Variants in OPRL1 observed in about 807,000 individuals in gnomAD.
OPRL1 encodes opioid related nociceptin receptor 1, also known as nociceptin receptor.
A neutral mutation model predicts 15.5 loss-of-function variants in OPRL1; 5 were observed. The ratio of observed to expected loss-of-function variants is 0.32; its 90% CI spans 0.17 to 0.68. OPRL1 has a LOEUF of 0.68. OPRL1 is among the 30% of genes least tolerant of loss of function. The pLI, the probability that OPRL1 is intolerant of heterozygous loss-of-function variation, is 0.72. For synonymous variants in OPRL1, 223 were observed against 230.2 expected (o/e 0.97, Z 0.28); for missense variants, 406 against 515.3 (o/e 0.79, Z 2.05).
rs987045411 is a variant in OPRL1, at chr20:64,099,726, A to C, written c.*927A>C. 1 of 152,310 alleles carries C rather than the reference A, an allele frequency of 6.6e-6. No homozygotes were observed. Among genetic ancestry groups the C allele is most frequent in the Admixed American group, 6.5e-5 (1 of 15,288 alleles). 9.4% of individuals were successfully genotyped at this position (152,310 alleles called of 1,614,324 possible). A position where few individuals can be genotyped will look rare whatever the true frequency, so the allele number is the denominator to read the frequency against. On this transcript the variant is annotated 3_prime_UTR_variant, in exon 5 of 5. Coordinates refer to ENST00000336866, the MANE Select transcript of OPRL1 (RefSeq NM_182647.4). Reference sequence around the variant, plus strand: ...CAGGACGAAGGCGCCGCGTGACCACATGGGCAGCTCTGTTCACAAAGTGGA... The same window carrying C: ...CAGGACGAAGGCGCCGCGTGACCACCTGGGCAGCTCTGTTCACAAAGTGGA...
At position 64,089,048 on chromosome 20, in the gene OPRL1, C is replaced by T. The variant is rs1014308873; in HGVS notation, c.-184-2918C>T. Reference sequence around the variant, plus strand: ...TCAATGCAGGGGGCAAGGTCTGTACCGTGGGCTAGGGGTCTATGTGGGTGG... The same window carrying T: ...TCAATGCAGGGGGCAAGGTCTGTACTGTGGGCTAGGGGTCTATGTGGGTGG... On this transcript the variant is annotated intron_variant, in intron 1 of 4. Coordinates refer to ENST00000336866, the MANE Select transcript of OPRL1 (RefSeq NM_182647.4). The surrounding 1 kb of genome is among the most constrained non-coding windows in gnomAD (Gnocchi z 5.5). Among the ~76,000 whole-genome samples, 1 of 71,796 alleles carries T rather than the reference C, an allele frequency of 1.4e-5. No homozygotes were observed. The allele number at this position is 71,796 out of a possible 152,430, so 47.1% of individuals were successfully genotyped here.
rs1241920361 is a variant in OPRL1 at position 64,090,257 on chromosome 20, G to A, written c.-184-1709G>A. Among the ~76,000 whole-genome samples, 1 of 152,210 alleles carries A rather than the reference G, an allele frequency of 6.6e-6. No individual in the cohort carries two copies. Among genetic ancestry groups the A allele is most frequent in the Non-Finnish European group, 1.5e-5 (1 of 68,032 alleles). Reference sequence around the variant, plus strand: ...TGGGCATCTGTGTGTGTGTTTGCAGGAATGTGTGTCCCCATGTGTCCCTTG... The same window carrying A: ...TGGGCATCTGTGTGTGTGTTTGCAGAAATGTGTGTCCCCATGTGTCCCTTG... On this transcript the variant is annotated intron_variant, in intron 1 of 4. Transcript: ENST00000336866. The surrounding 1 kb of genome is among the most constrained non-coding windows in gnomAD (Gnocchi z 4.9).
rs1032721305 is a variant in OPRL1, at chr20:64,083,551, C to T, written c.-185+3199C>T. On this transcript the variant is annotated intron_variant, in intron 1 of 4. Coordinates refer to ENST00000336866, the MANE Select transcript of OPRL1 (RefSeq NM_182647.4). This position sits in a 1 kb window ranked among gnomAD's most constrained non-coding sequence, Gnocchi z 4.9. ...TGCGGAGGCGGGCAGGGCCCCTCCC[C>T]TTTCCCCGCCCCTACCGGGGCTTGT... 6.5e-6 allele frequency: 10 copies of T among 1,535,188 alleles called. No homozygotes were observed. In the African/African-American group the frequency reaches 1.4e-4, roughly 21 times the overall value.
chr20:64,092,481 C>G (rs530863742), intron 2 of OPRL1, among the ~76,000 whole-genome samples: 34 of 152,284 alleles, frequency 2.2e-4, no homozygotes, highest in African/African-American at 8.2e-4. Flanking sequence ...GAGTCCCTGT[C>G]TGTGCACACG....
Position 64,092,792 on chromosome 20 carries a change from C to T in OPRL1, c.72C>T (p.Leu24=). 1 of 1,612,780 alleles carries T rather than the reference C, an allele frequency of 6.2e-7. No homozygotes were observed. Among genetic ancestry groups the T allele is most frequent in the Non-Finnish European group, 8.5e-7 (1 of 1,179,948 alleles). ...YGSHLQGNLS[L]LSPNHSLLPP... ...GCCACCTTCAGGGCAACCTGTCCCT[C>T]CTGAGCCCCAACCACAGTCTGCTGC... is the stretch of plus-strand genomic sequence containing the variant. The change falls in exon 3 of 5, where the codon CTC becomes CTT. Residue 24 remains leucine (L), a synonymous_variant. Coordinates refer to ENST00000336866, the MANE Select transcript of OPRL1 (RefSeq NM_182647.4).
intron 1 of OPRL1, among the ~76,000 whole-genome samples, chr20:64,091,613 G>A (rs930628625): frequency 6.6e-6 from 1 of 152,296 alleles, no homozygotes; most frequent in African/African-American, 2.4e-5. Context: ...CGGGAGCCCA[G>A]CTGGGGGGTC....
chr20:64,084,254 C>CGGTGCCGGGGCT (rs2060016175), intron 1 of OPRL1: 3 of 1,353,048 alleles, frequency 2.2e-6, no homozygotes, highest in Non-Finnish European at 1.9e-6. Flanking sequence ...GGCGTCCCGT[C>CGGTGCCGGGGCT]GGTGCCGGGG....
chr20:64,096,866 C>T (rs1375505047), intron 3 of OPRL1, among the ~76,000 whole-genome samples: 4 of 136,182 alleles, frequency 2.9e-5, no homozygotes, highest in Admixed American at 1.6e-4. Flanking sequence ...ACCACTATCA[C>T]CACCACCACC....
Position 64,098,003 on chromosome 20 carries a change from T to A in OPRL1, c.435T>A (p.Ser145Arg). ...GCACCTTCACCCTAACTGCCATGAG[T>A]GTGGATCGCTATGTAGCCATCTGCC... ...FTSTFTLTAM[S>R]VDRYVAICHP... Residue 145 changes from serine to arginine, a missense_variant, in exon 4 of 5, where the codon AGT (serine) becomes AGA (arginine). Physicochemically the swap from Ser to Arg is moderately radical, Grantham distance 110 (BLOSUM62 -1). Coordinates refer to ENST00000336866, the MANE Select transcript of OPRL1 (RefSeq NM_182647.4). 6.2e-7 allele frequency: 1 copy of A among 1,613,630 alleles called. No homozygotes were observed. The highest frequency in any genetic ancestry group is 8.5e-7 in the Non-Finnish European group (1 of 1,180,004).
In OPRL1 at chr20:64,097,049, C is replaced by T. The variant is rs118119072; in HGVS notation, c.234-753C>T. On this transcript the variant is annotated intron_variant, in intron 3 of 4. Transcript: ENST00000336866. This position sits in a 1 kb window ranked among gnomAD's most constrained non-coding sequence, Gnocchi z 4.2. ...ATCATCACAGTCATCACCATCATCA[C>T]CATCATCATCATCACCACTACCATC... Among the ~76,000 whole-genome samples, 26 of 36 alleles carry T rather than the reference C, an allele frequency of 0.72. 9 individuals carry two copies. The highest frequency in any genetic ancestry group is 0.8 in the Non-Finnish European group (8 of 10). 0.0% of individuals were successfully genotyped at this position (36 alleles called of 152,430 possible). A position where few individuals can be genotyped will look rare whatever the true frequency, so the allele number is the denominator to read the frequency against.
chr20:64,083,960 C>T lies in OPRL1; in HGVS notation c.-185+3608C>T. 6.8e-7 allele frequency: 1 copy of T among 1,465,424 alleles called. No individual in the cohort carries two copies. Among genetic ancestry groups the T allele is most frequent in the Non-Finnish European group, 9.0e-7 (1 of 1,115,528 alleles). The allele number at this position is 1,465,424 out of a possible 1,614,324, so 90.8% of individuals were successfully genotyped here. ...CGGGCGCGGGTCGGGCATGCGGTAC[C>T]CCGGTTCCACCGACCCGCACGGGAA... On this transcript the variant is annotated intron_variant, in intron 1 of 4. Transcript: ENST00000336866. The surrounding 1 kb of genome is among the most constrained non-coding windows in gnomAD (Gnocchi z 4.9).
rs6090042 is a variant in OPRL1 at position 64,082,287 on chromosome 20, C to G, written c.-185+1935C>G. ...CCTTCCCTTCCTGAAACCCCTCCTG[C>G]CATCTCTCTGTCCCCTCCTTGTCAG... On this transcript the variant is annotated intron_variant, in intron 1 of 4. Transcript: ENST00000336866. 5.3e-5 allele frequency among the ~76,000 whole-genome samples: 8 copies of G among 152,168 alleles called. No homozygotes were observed. The East Asian group carries it at 7.7e-4, about 15-fold the overall frequency.
intron 3 of OPRL1, among the ~76,000 whole-genome samples, chr20:64,093,316 G>A (rs1978420756): frequency 6.7e-6 from 1 of 150,112 alleles, no homozygotes; most frequent in Non-Finnish European, 1.5e-5. Flanking sequence ...TTCCCTAGAT[G>A]GGCGAAGGGA....
intron 1 of OPRL1, among the ~76,000 whole-genome samples, chr20:64,086,234 G>T (rs573164757): frequency 6.6e-6 from 1 of 152,214 alleles, no homozygotes; most frequent in African/African-American, 2.4e-5. Flanking sequence ...TGGCGTTTGT[G>T]GGGGAGTCAC....
chr20:64,097,418 C>G lies in OPRL1; in HGVS notation c.234-384C>G, dbSNP rs1979309473. On this transcript the variant is annotated intron_variant, in intron 3 of 4. Coordinates refer to ENST00000336866, the MANE Select transcript of OPRL1 (RefSeq NM_182647.4). This position sits in a 1 kb window ranked among gnomAD's most constrained non-coding sequence, Gnocchi z 4.2. Reference sequence around the variant, plus strand: ...AGTCTGTGAGGGGTCATGGAGGGGACTCAAAAGCAAGGGGAGCAGACTCTT... The same window carrying G: ...AGTCTGTGAGGGGTCATGGAGGGGAGTCAAAAGCAAGGGGAGCAGACTCTT... 6.6e-6 allele frequency among the ~76,000 whole-genome samples: 1 copy of G among 152,026 alleles called. No individual in the cohort carries two copies. Among genetic ancestry groups the G allele is most frequent in the Admixed American group, 6.5e-5 (1 of 15,268 alleles).
intron 1 of OPRL1, among the ~76,000 whole-genome samples, chr20:64,080,772 G>A (rs1322191882): frequency 1.3e-5 from 2 of 152,126 alleles, no homozygotes; most frequent in Non-Finnish European, 2.9e-5. Flanking sequence ...CCCCTGGCCC[G>A]GCTGTGTGCA....
In OPRL1 at chr20:64,083,355, C is replaced by T. The variant is rs1245544563; in HGVS notation, c.-185+3003C>T. 3 of 1,599,236 alleles carry T rather than the reference C, an allele frequency of 1.9e-6. No homozygotes were observed. The highest frequency in any genetic ancestry group is 1.7e-4 in the Middle Eastern group (1 of 6,032). On this transcript the variant is annotated intron_variant, in intron 1 of 4. Transcript: ENST00000336866. The surrounding 1 kb of genome is among the most constrained non-coding windows in gnomAD (Gnocchi z 4.9). ...CTTCCCTCGGGGTCCTGGGGAGTGG[C>T]AGCAAAAAGACCAGCGAGCCTTCGG...
chr20:64,086,328 CT>C (rs1245489898), intron 1 of OPRL1, among the ~76,000 whole-genome samples: 1 of 152,198 alleles, frequency 6.6e-6, no homozygotes, highest in Non-Finnish European at 1.5e-5. Context: ...TTGACACCCC[CT>C]AGTCCATAAT....
rs768088736 is a variant in OPRL1, at chr20:64,092,744, G to A, written c.24G>A (p.Pro8=). The A allele has an allele frequency of 3.0e-5, 49 of 1,612,534 alleles. No individual in the cohort carries two copies. The highest frequency in any genetic ancestry group is 3.5e-5 in the Non-Finnish European group (41 of 1,179,924). MEPLFPA[P]FWEVIYGSHL... ...GCATGGAGCCCCTCTTCCCCGCGCCGTTCTGGGAGGTTATCTACGGCAGCC... is the reference window on the plus strand; with the variant it reads ...GCATGGAGCCCCTCTTCCCCGCGCCATTCTGGGAGGTTATCTACGGCAGCC... The change falls in exon 3 of 5, where the codon CCG becomes CCA. Residue 8 remains proline, a synonymous_variant. Transcript: ENST00000336866.
Sources: gnomAD v4.1 joint callset for allele counts (sites outside exome capture counted in the v4.1 genomes callset) on GRCh38, gnomAD v4.1.1 for gene constraint, Gnocchi (gnomAD v3.1) non-coding constraint, MANE v1.5 for transcripts, NCBI Gene and HGNC (gene_info 2026-07-23, HGNC 2026-07-21) for gene names.